The following RBFOX1 variants were observed in gnomAD, a reference collection of about 807,000 sequenced individuals.
The protein encoded by RBFOX1 is RNA binding protein fox-1 homolog 1.
In RBFOX1, 8 loss-of-function variants were observed where a neutral mutation model predicts 57.7. The observed-to-expected ratio is 0.14, with a 90% CI of 0.08 to 0.25. The LOEUF is 0.25. RBFOX1 is among the 10% of genes least tolerant of loss of function. The probability of loss-of-function intolerance (pLI) is 1.00; values close to 1 mark genes in which losing one functional copy is unlikely to be tolerated. For synonymous variants in RBFOX1, 326 were observed against 222.4 expected (o/e 1.47, Z -4.15); for missense variants, 611 against 548.5 (o/e 1.11, Z -1.14).
In RBFOX1 at chr16:5,274,735, A is replaced by G. The variant is rs768241262; in HGVS notation, c.219+34630A>G. 3.6e-4 allele frequency among the ~76,000 whole-genome samples: 55 copies of G among 152,322 alleles called. No individual in the cohort carries two copies. In the Middle Eastern group the frequency reaches 0.01, roughly 28 times the overall value. ...ACTATGGCCGCAGGAGCCACCTCTC[A>G]GTCCCTTGCATAGGCACCAGGCTTT... On this transcript the variant is annotated intron_variant, in intron 1 of 2. Coordinates refer to the RBFOX1 transcript ENST00000585867.
At chr16:5,760,858 G>T (rs141171197) in intron 3 of RBFOX1, among the ~76,000 whole-genome samples, 5 of 152,304 alleles carry the variant, frequency 3.3e-5, no homozygotes, top group African/African-American at 1.2e-4. Flanking sequence ...GAGGAGTAGG[G>T]AGCGAGTGGG....
chr16:6,653,970 C>CGGATGGATGGATGGAT lies in RBFOX1; in HGVS notation c.-63-612_-63-597dup, dbSNP rs1158998142. On this transcript the variant is annotated intron_variant, in intron 2 of 15. Coordinates refer to ENST00000550418, the MANE Select transcript of RBFOX1 (RefSeq NM_018723.4). ...GGTGGATGAAGGATGGATGGTTGGA[C>CGGATGGATGGATGGAT]GGATGGATGGATGGATGGATGGATG... 4.0e-5 allele frequency among the ~76,000 whole-genome samples: 3 copies of CGGATGGATGGATGGAT among 75,410 alleles called. No individual in the cohort carries two copies. The East Asian group carries it at 1.5e-3, about 37-fold the overall frequency. 49.5% of individuals were successfully genotyped at this position (75,410 alleles called of 152,430 possible). A position where few individuals can be genotyped will look rare whatever the true frequency, so the allele number is the denominator to read the frequency against.
chr16:6,694,891 A>T (rs1315566765), intron 3 of RBFOX1, among the ~76,000 whole-genome samples: 1 of 151,928 alleles, frequency 6.6e-6, no homozygotes, highest in African/African-American at 2.4e-5. Flanking sequence ...CACACAGAAG[A>T]CAGCATGCGT....
intron 4 of RBFOX1, among the ~76,000 whole-genome samples, chr16:7,132,449 C>T (rs1038034665): frequency 1.5e-5 from 1 of 67,380 alleles, no homozygotes; most frequent in African/African-American, 5.3e-5. Context: ...CACACACACA[C>T]ACACACACAC....
chr16:6,306,503 G>T (rs886775243), intron 1 of RBFOX1, among the ~76,000 whole-genome samples: 1 of 152,172 alleles, frequency 6.6e-6, no homozygotes, highest in Non-Finnish European at 1.5e-5. Flanking sequence ...TTTCTTCATG[G>T]ATGAAATCCT....
intron 3 of RBFOX1, among the ~76,000 whole-genome samples, chr16:5,851,347 G>A (rs1567624099): frequency 1.3e-5 from 2 of 152,132 alleles, no homozygotes; most frequent in African/African-American, 4.8e-5. Flanking sequence ...CACACTGGAG[G>A]TTCATTTCAC....
chr16:5,733,601 C>G (rs923597089), intron 3 of RBFOX1, among the ~76,000 whole-genome samples: 6 of 152,146 alleles, frequency 3.9e-5, no homozygotes, highest in Admixed American at 6.5e-5. Flanking sequence ...AGCATGGTCA[C>G]CTAGTCCCCA....
At chr16:6,483,566 C>G (rs1326840546) in intron 2 of RBFOX1, 14 of 1,528,620 alleles carry the variant, frequency 9.2e-6, no homozygotes, top group South Asian at 1.2e-5. Flanking sequence ...GAAGAAGACT[C>G]TAAAACACTG....
At chr16:5,718,928 ATG>A (rs2051822300) in intron 3 of RBFOX1, among the ~76,000 whole-genome samples, 2 of 151,902 alleles carry the variant, frequency 1.3e-5, no homozygotes, top group African/African-American at 4.8e-5. Context: ...GAATGAATGA[ATG>A]AATGAATGAA....
At chr16:7,304,539 G>T (rs2096125119) in intron 4 of RBFOX1, 1 of 985,364 alleles carries the variant, frequency 1.0e-6, no homozygotes, top group South Asian at 4.7e-5. Context: ...GGCCAGATGG[G>T]TCCCCGCGCG....
At chr16:5,744,387 G>T (rs771514279) in intron 3 of RBFOX1, among the ~76,000 whole-genome samples, 45 of 152,194 alleles carry the variant, frequency 3.0e-4, no homozygotes, top group Admixed American at 5.9e-4. Context: ...CTTGAAATCA[G>T]GGACAAAGTA....
intron 3 of RBFOX1, among the ~76,000 whole-genome samples, chr16:5,842,537 TATTC>T (rs1329921775): frequency 6.6e-6 from 1 of 152,228 alleles, no homozygotes; most frequent in African/African-American, 2.4e-5. Context: ...TTCATTCATG[TATTC>T]ATTCATTTAT....
intron 3 of RBFOX1, among the ~76,000 whole-genome samples, chr16:7,022,654 C>G (rs553429621): frequency 1.3e-5 from 2 of 151,850 alleles, no homozygotes; most frequent in South Asian, 2.1e-4. Flanking sequence ...GGCCCATCCC[C>G]GTATAGAGCT....
chr16:5,342,693 T>G (rs1037301513), intron 1 of RBFOX1, among the ~76,000 whole-genome samples: 1 of 152,164 alleles, frequency 6.6e-6, no homozygotes, highest in African/African-American at 2.4e-5. Context: ...GAAGGAAGCC[T>G]TGAGCAGTCT....
At chr16:5,912,552 G>T (rs1028442234) in intron 4 of RBFOX1, among the ~76,000 whole-genome samples, 1 of 152,168 alleles carries the variant, frequency 6.6e-6, no homozygotes, top group African/African-American at 2.4e-5. Flanking sequence ...TTATGCCAAA[G>T]TCATTTTCCT....
At chr16:5,939,901 C>T (rs905742811) in intron 4 of RBFOX1, among the ~76,000 whole-genome samples, 6 of 152,182 alleles carry the variant, frequency 3.9e-5, no homozygotes, top group African/African-American at 7.2e-5. Flanking sequence ...GTAGGCTTCA[C>T]AGTCAAGCAG....
intron 14 of RBFOX1, among the ~76,000 whole-genome samples, chr16:7,678,776 A>G (rs73496921): frequency 4.7e-4 from 72 of 152,312 alleles, no homozygotes; most frequent in African/African-American, 1.7e-3. Flanking sequence ...AAATTTCTGC[A>G]TTTTGGAACA....
At chr16:7,339,579 G>C (rs866109039) in intron 4 of RBFOX1, among the ~76,000 whole-genome samples, 1 of 151,982 alleles carries the variant, frequency 6.6e-6, no homozygotes, top group African/African-American at 2.4e-5. Flanking sequence ...ATCTGGGACC[G>C]TGGGCATGCA....
chr16:7,591,173 A>G lies in RBFOX1; in HGVS notation c.468+3873A>G, dbSNP rs141781884. ...CGTAAGAATTTCCCAGGGAGGGGAA[A>G]GAGGGATGTGTCTCAGGCAGGAGAA... On this transcript the variant is annotated intron_variant, in intron 7 of 15. Transcript: ENST00000550418. Among the ~76,000 whole-genome samples, 740 of 152,278 alleles carry G rather than the reference A, an allele frequency of 4.9e-3. 6 individuals carry two copies. The highest frequency in any genetic ancestry group is 0.017 in the African/African-American group (704 of 41,572).
Sources: gnomAD v4.1 joint callset for allele counts (sites outside exome capture counted in the v4.1 genomes callset) on GRCh38, gnomAD v4.1.1 for gene constraint, MANE v1.5 for transcripts, NCBI Gene and HGNC (gene_info 2026-07-23, HGNC 2026-07-21) for gene names.